MSH4: variants seen among roughly 807,000 people sequenced by gnomAD.
The protein encoded by MSH4 is mutS protein homolog 4.
Under a neutral mutation model 113.7 loss-of-function variants are expected in MSH4, and 106 were observed. The observed-to-expected ratio is 0.93, with a 90% CI of 0.80 to 1.10. The LOEUF is 1.10. Ranked by LOEUF, MSH4 falls within the 50% of genes least tolerant of loss-of-function variation. MSH4 has a pLI of 0.00. For missense variants in MSH4, 1,061 were observed against 1,093.7 expected, an observed-to-expected ratio of 0.97 and a Z score of 0.42; for synonymous variants, 368 against 380.2, an observed-to-expected ratio of 0.97 and a Z score of 0.37.
intron 11 of MSH4, among the ~76,000 whole-genome samples, chr1:75,878,629 C>T (rs961806842): frequency 2.0e-5 from 3 of 152,002 alleles, no homozygotes; most frequent in Non-Finnish European, 4.4e-5. Flanking sequence ...CATAGCTAGT[C>T]TTTTGTAGAG....
At chr1:75,828,598 C>G (rs1012151996) in intron 7 of MSH4, among the ~76,000 whole-genome samples, 23 of 152,034 alleles carry the variant, frequency 1.5e-4, no homozygotes, top group African/African-American at 5.6e-4. Flanking sequence ...TATGTGGGAG[C>G]TAAACATTGG....
intron 8 of MSH4, among the ~76,000 whole-genome samples, chr1:75,864,247 A>G (rs957010354): frequency 1.2e-4 from 19 of 152,314 alleles, no homozygotes; most frequent in African/African-American, 4.6e-4. Flanking sequence ...TTAATATGCC[A>G]TTATTTATCC....
intron 14 of MSH4, among the ~76,000 whole-genome samples, chr1:75,882,669 A>ATT (rs768746888): frequency 0.26 from 37,834 of 143,788 alleles, 5,406 homozygotes; most frequent in Middle Eastern, 0.36. Flanking sequence ...TTTCTAAAAA[A>ATT]AAAAAAAAAA....
chr1:75,821,678 G>C (rs1054845254), intron 6 of MSH4, among the ~76,000 whole-genome samples: 2 of 152,146 alleles, frequency 1.3e-5, no homozygotes, highest in Admixed American at 1.3e-4. Flanking sequence ...GTGCAAGTAT[G>C]GTTCACTGCA....
intron 7 of MSH4, 151 bp downstream of exon 7, chr1:75,822,732 T>G (rs1465883199): frequency 1.4e-5 from 6 of 422,354 alleles, no homozygotes; most frequent in African/African-American, 2.1e-5. Flanking sequence ...TTCTACTGAG[T>G]CCTGTAGTAA....
At chr1:75,872,316 C>G (rs1557517735) in intron 9 of MSH4, among the ~76,000 whole-genome samples, 1 of 152,040 alleles carries the variant, frequency 6.6e-6, no homozygotes, top group African/African-American at 2.4e-5. Context: ...CCTGCTTTGT[C>G]TAGTGGTTAA....
At chr1:75,837,000 T>C (rs1287176685) in intron 7 of MSH4, among the ~76,000 whole-genome samples, 1 of 152,212 alleles carries the variant, frequency 6.6e-6, no homozygotes, top group Non-Finnish European at 1.5e-5. Context: ...CTTCTGAGCA[T>C]TTGCTGTGAT....
intron 3 of MSH4, among the ~76,000 whole-genome samples, chr1:75,807,660 G>A (rs183928067): frequency 6.6e-6 from 1 of 152,314 alleles, no homozygotes; most frequent in Non-Finnish European, 1.5e-5. Flanking sequence ...TGGAAATTAG[G>A]TATGGTTTAA....
Position 75,840,303 on chromosome 1 carries a change from A to G in MSH4, c.1163-7906A>G, listed in dbSNP as rs920950552. Among the ~76,000 whole-genome samples the G allele has an allele frequency of 1.7e-4, 25 of 142,948 alleles. No individual in the cohort carries two copies. The East Asian group carries it at 5.8e-3, about 33-fold the overall frequency. The allele number at this position is 142,948 out of a possible 152,430, so 93.8% of individuals were successfully genotyped here. A position where few individuals can be genotyped will look rare whatever the true frequency, so the allele number is the denominator to read the frequency against. Reference sequence around the variant, plus strand: ...AACAATGATAGACTGGATTAAGAAAATGTGGCACATATACACCACGGAATA... The same window carrying G: ...AACAATGATAGACTGGATTAAGAAAGTGTGGCACATATACACCACGGAATA... On this transcript the variant is annotated intron_variant, in intron 7 of 19. Coordinates refer to ENST00000263187, the MANE Select transcript of MSH4 (RefSeq NM_002440.4).
At chr1:75,826,407 A>T (rs543875029) in intron 7 of MSH4, among the ~76,000 whole-genome samples, 1 of 152,154 alleles carries the variant, frequency 6.6e-6, no homozygotes, top group Non-Finnish European at 1.5e-5. Flanking sequence ...TTTTCAAAAA[A>T]CCAGCTCCCC....
At position 75,816,523 on chromosome 1, in the gene MSH4, GTTAA is replaced by G. The variant is rs1570945441; in HGVS notation, c.972_975del (p.Asn325IlefsTer14). The G allele has an allele frequency of 6.3e-7, 1 of 1,580,094 alleles. No homozygotes were observed. Among genetic ancestry groups the G allele is most frequent in the Non-Finnish European group, 8.6e-7 (1 of 1,159,856 alleles). ...CATCATCAGCCCAAAACCTTGAATT[GTTAA>G]TTAATAATCAAGACTATAGGTAAGA... is the stretch of plus-strand genomic sequence containing the variant. On this transcript the variant is annotated frameshift_variant, in exon 6 of 20. Transcript: ENST00000263187. LOFTEE classifies it high-confidence loss of function.
At chr1:75,891,012 T>C (rs1557527316) in intron 17 of MSH4, among the ~76,000 whole-genome samples, 188 bp downstream of exon 17, 24 of 152,130 alleles carry the variant, frequency 1.6e-4, no homozygotes. Context: ...ATAACCATGA[T>C]ATAGATAAGG....
chr1:75,889,194 A>G, intron 15 of MSH4, 57 bp from the exon 16 acceptor site: 2 of 813,064 alleles, frequency 2.5e-6, no homozygotes, highest in Admixed American at 4.6e-5. Flanking sequence ...ACAAAATGTT[A>G]TTAGTAATTA....
At chr1:75,858,538 G>A (rs12093817) in intron 8 of MSH4, among the ~76,000 whole-genome samples, 9,806 of 152,126 alleles carry the variant, frequency 0.064, 610 homozygotes, top group African/African-American at 0.16. Flanking sequence ...GGTTTTTGTC[G>A]TTGGTTCTGT....
intron 7 of MSH4, among the ~76,000 whole-genome samples, chr1:75,835,917 G>A (rs562658024): frequency 6.6e-6 from 1 of 152,184 alleles, no homozygotes; most frequent in African/African-American, 2.4e-5. Flanking sequence ...TGTACAGATT[G>A]TCTTGGATCC....
chr1:75,821,942 C>T (rs1283468284), intron 6 of MSH4, among the ~76,000 whole-genome samples: 1 of 152,090 alleles, frequency 6.6e-6, no homozygotes, highest in Admixed American at 6.5e-5. Flanking sequence ...TTTTATTAGA[C>T]CTACTGAATT....
At chr1:75,861,984 C>A (rs1208494763) in intron 8 of MSH4, among the ~76,000 whole-genome samples, 2 of 152,110 alleles carry the variant, frequency 1.3e-5, no homozygotes, top group Non-Finnish European at 1.5e-5. Context: ...CCTACTCAAG[C>A]CTCAGCAATG....
intron 19 of MSH4, among the ~76,000 whole-genome samples, chr1:75,901,025 TTC>T (rs1247367945): frequency 1.3e-5 from 2 of 152,194 alleles, no homozygotes; most frequent in Non-Finnish European, 2.9e-5. Flanking sequence ...TGTGATTTTT[TTC>T]TTTTTTTAAT....
chr1:75,901,940 CTA>C (rs1652514204), intron 19 of MSH4, among the ~76,000 whole-genome samples: 1 of 151,962 alleles, frequency 6.6e-6, no homozygotes, highest in Admixed American at 6.6e-5. Context: ...TACCTGTTGG[CTA>C]TATGTTTGTT....
Sources: gnomAD v4.1 joint callset for allele counts (sites outside exome capture counted in the v4.1 genomes callset) on GRCh38, gnomAD v4.1.1 for gene constraint, MANE v1.5 for transcripts, NCBI Gene and HGNC (gene_info 2026-07-23, HGNC 2026-07-21) for gene names.